TASOR: variants seen among roughly 807,000 people sequenced by gnomAD.
TASOR encodes transcription activation suppressor.
Under a neutral mutation model 178.6 loss-of-function variants are expected in TASOR, and 53 were observed. That is an observed-to-expected ratio of 0.30 (90% confidence interval 0.24 to 0.37). The LOEUF (loss-of-function observed/expected upper bound fraction) is 0.37, where lower values mean the gene tolerates loss of function less well. Among genes scored for constraint, TASOR ranks in the 10% least tolerant of loss-of-function variants. The pLI is 1.00. For synonymous variants in TASOR, 713 were observed against 696.2 expected, an observed-to-expected ratio of 1.02 and a Z score of -0.38; for missense variants, 1,815 against 1,971.4, an observed-to-expected ratio of 0.92 and a Z score of 1.50.
chr3:56,656,009 A>G (rs543654639), intron 11 of TASOR, among the ~76,000 whole-genome samples: 12 of 152,102 alleles, frequency 7.9e-5, no homozygotes, highest in Non-Finnish European at 1.6e-4. Flanking sequence ...AAACTTATTA[A>G]TTATTTCTGG....
At position 56,621,568 on chromosome 3, in the gene TASOR, C is replaced by T. The variant is rs781623811; in HGVS notation, c.*1469G>A. The T allele has an allele frequency of 1.9e-6, 3 of 1,602,612 alleles. No homozygotes were observed. The South Asian group carries it at 3.4e-5, about 18-fold the overall frequency. ...GAAGCAAAAGGAGTTGGAAAGTAGT[C>T]TCCTGCCTTTAGCTGAAAATCAAGA... On this transcript the variant is annotated 3_prime_UTR_variant, in exon 24 of 24. Coordinates refer to ENST00000683822, the MANE Select transcript of TASOR (RefSeq NM_001365635.2).
intron 17 of TASOR, among the ~76,000 whole-genome samples, chr3:56,637,563 A>C (rs1230401771): frequency 2.7e-5 from 4 of 147,174 alleles, no homozygotes; most frequent in Non-Finnish European, 5.9e-5. Context: ...CCTCTATGTT[A>C]TATATCTGTT....
chr3:56,622,450 A>G lies in TASOR; in HGVS notation c.*587T>C, dbSNP rs1170840271. ...TTGCGCAGGTACTGAAAATTATCCA[A>G]TACTCTCAAAAAGTTACCAGAATTT... On this transcript the variant is annotated 3_prime_UTR_variant, in exon 24 of 24. Transcript: ENST00000683822. 2 of 152,606 alleles carry G rather than the reference A, an allele frequency of 1.3e-5. No individual in the cohort carries two copies. Among genetic ancestry groups the G allele is most frequent in the African/African-American group, 2.4e-5 (1 of 41,448 alleles). The allele number at this position is 152,606 out of a possible 1,614,324, so 9.5% of individuals were successfully genotyped here.
chr3:56,669,272 C>A (rs895052601), intron 5 of TASOR, among the ~76,000 whole-genome samples: 1 of 151,936 alleles, frequency 6.6e-6, no homozygotes, highest in Non-Finnish European at 1.5e-5. Flanking sequence ...GGGAGGCTGA[C>A]GCGGGTGGAT....
Position 56,638,655 on chromosome 3 carries a change from C to T in TASOR, c.2824+51G>A, listed in dbSNP as rs191087907. 452 of 1,591,866 alleles carry T rather than the reference C, an allele frequency of 2.8e-4. 1 individual carries two copies. In the African/African-American group the frequency reaches 5.6e-3, roughly 20 times the overall value. ...GATGGAGTATCAGAAATGCAAGTAG[C>T]AACTCTGAAGAAGGGCACACTGGGA... is the stretch of plus-strand genomic sequence containing the variant. On this transcript the variant is annotated intron_variant, in intron 17 of 23. Transcript: ENST00000683822.
intron 11 of TASOR, among the ~76,000 whole-genome samples, chr3:56,649,812 A>G (rs530135850): frequency 1.3e-5 from 2 of 152,344 alleles, no homozygotes; most frequent in Non-Finnish European, 2.9e-5. Flanking sequence ...AGGACATTTC[A>G]GTAGAGGCAA....
At position 56,646,913 on chromosome 3, in the gene TASOR, C is replaced by A. The variant is rs1215837416; in HGVS notation, c.1824G>T (p.Arg608=). The A allele has an allele frequency of 6.2e-7, 1 of 1,611,316 alleles. No individual in the cohort carries two copies. The highest frequency in any genetic ancestry group is 1.7e-5 in the Admixed American group (1 of 59,496). The change falls in exon 14 of 24, where the codon CGG becomes CGT. Residue 608 remains arginine (R), a synonymous_variant. Coordinates refer to ENST00000683822, the MANE Select transcript of TASOR (RefSeq NM_001365635.2). The part of the protein sequence containing the change: ...IDTCLHAYIF[R]PEVYQLPICK... Reference sequence around the variant, plus strand: ...AAATAGGTAACTGATACACTTCAGGCCGAAAAATATAGGCATGCAAACAAG... The same window carrying A: ...AAATAGGTAACTGATACACTTCAGGACGAAAAATATAGGCATGCAAACAAG...
chr3:56,633,185 T>C lies in TASOR; in HGVS notation c.3606A>G (p.Gln1202=), dbSNP rs34828128. The change falls in exon 18 of 24, where the codon CAA becomes CAG. Residue 1202 remains glutamine (Q), a synonymous_variant. Transcript: ENST00000683822. The part of the protein sequence containing the change: ...KSPSDVNISA[Q]PALSNFISQL... ...GGCTTATAAAATTTGAAAGAGCTGG[T>C]TGAGCAGAAATGTTTACATCACTGG... 24,601 of 1,614,218 alleles carry C rather than the reference T, an allele frequency of 0.015. 246 individuals are homozygous for C. The highest frequency in any genetic ancestry group is 0.035 in the Middle Eastern group (213 of 6,062).
intron 3 of TASOR, 57 bp downstream of exon 3, chr3:56,671,543 T>G: frequency 7.9e-7 from 1 of 1,263,182 alleles, no homozygotes; most frequent in South Asian, 1.4e-5. Flanking sequence ...ATCACAAAAT[T>G]AGTAACTTAC....
At chr3:56,650,707 G>T (rs2077334030) in intron 11 of TASOR, among the ~76,000 whole-genome samples, 1 of 152,082 alleles carries the variant, frequency 6.6e-6, no homozygotes, top group Non-Finnish European at 1.5e-5. Context: ...AAATCCCAGG[G>T]CCAAGGTTAA....
intron 3 of TASOR, among the ~76,000 whole-genome samples, chr3:56,671,058 A>C (rs1189025674): frequency 6.6e-6 from 1 of 151,504 alleles, no homozygotes; most frequent in African/African-American, 2.4e-5. Flanking sequence ...TAAAGAAAAA[A>C]GGCCAGGCGC....
rs116672648 is a variant in TASOR, at chr3:56,630,549, A to C, written c.3748-1935T>G. ...AGGAAATGCATCTCCTATCCCCTTAATCTAAATGTAACGGCTGGGTGCGAT... is the reference window on the plus strand; with the variant it reads ...AGGAAATGCATCTCCTATCCCCTTACTCTAAATGTAACGGCTGGGTGCGAT... On this transcript the variant is annotated intron_variant, in intron 18 of 23. Coordinates refer to ENST00000683822, the MANE Select transcript of TASOR (RefSeq NM_001365635.2). Among the ~76,000 whole-genome samples the C allele has an allele frequency of 5.1e-3, 780 of 152,284 alleles. 1 individual carries two copies. Among genetic ancestry groups the C allele is most frequent in the Admixed American group, 7.4e-3 (113 of 15,302 alleles).
intron 9 of TASOR, 82 bp from the exon 10 acceptor site, chr3:56,661,099 C>T (rs2077584064): frequency 4.9e-6 from 4 of 821,204 alleles, no homozygotes; most frequent in South Asian, 3.3e-5. Context: ...AAAAAGTACA[C>T]TTGATGGAAA....
Position 56,669,793 on chromosome 3 carries a change from T to C in TASOR, c.644-2A>G. The C allele has an allele frequency of 6.5e-7, 1 of 1,530,064 alleles. No homozygotes were observed. The highest frequency in any genetic ancestry group is 2.2e-5 in the Admixed American group (1 of 46,284). The allele number at this position is 1,530,064 out of a possible 1,614,324, so 94.8% of individuals were successfully genotyped here. A position where few individuals can be genotyped will look rare whatever the true frequency, so the allele number is the denominator to read the frequency against. ...CAGCATACCTAGAAAGATAGACACC[T>C]AGAAAAGACGGAAAAATTAAGGAAA... On this transcript the variant is annotated splice_acceptor_variant, in intron 4 of 23. Transcript: ENST00000683822. LOFTEE classifies it high-confidence loss of function.
At chr3:56,651,268 T>TAA (rs11326574) in intron 11 of TASOR, among the ~76,000 whole-genome samples, 6 of 144,754 alleles carry the variant, frequency 4.1e-5, no homozygotes, top group African/African-American at 7.5e-5. Flanking sequence ...TGGTTATTCT[T>TAA]AAAAAAAAAA....
At chr3:56,658,626 AGAAG>A (rs1376156254) in intron 11 of TASOR, among the ~76,000 whole-genome samples, 1 of 152,212 alleles carries the variant, frequency 6.6e-6, no homozygotes, top group African/African-American at 2.4e-5. Context: ...TGAGAAAGTA[AGAAG>A]GAAGGGCCAG....
At chr3:56,625,272 A>G (rs1045975937) in intron 21 of TASOR, among the ~76,000 whole-genome samples, 17 of 152,262 alleles carry the variant, frequency 1.1e-4, no homozygotes, top group Admixed American at 3.9e-4. Context: ...ACTAAATAAT[A>G]AATTATGATT....
At chr3:56,660,282 G>C (rs2077564416) in intron 11 of TASOR, among the ~76,000 whole-genome samples, 2 of 151,884 alleles carry the variant, frequency 1.3e-5, no homozygotes, top group Admixed American at 1.3e-4. Flanking sequence ...ACGAGGTCAG[G>C]AGATTGAGAC....
At chr3:56,650,811 G>A (rs527897959) in intron 11 of TASOR, among the ~76,000 whole-genome samples, 141 of 152,258 alleles carry the variant, frequency 9.3e-4, no homozygotes, top group Middle Eastern at 3.4e-3. Context: ...TTATAGCCAC[G>A]CTAAGTCTCT....
Sources: allele counts gnomAD v4.1 joint callset (sites outside exome capture counted in the v4.1 genomes callset), GRCh38; gene constraint gnomAD v4.1.1; transcripts MANE v1.5; gene names NCBI Gene and HGNC (gene_info 2026-07-23, HGNC 2026-07-21).